The following SEMA3A variants were observed in gnomAD, a reference collection of about 807,000 sequenced individuals.
SEMA3A encodes semaphorin-3A.
A neutral mutation model predicts 97.9 loss-of-function variants in SEMA3A; 29 were observed. The observed-to-expected ratio is 0.30, with a 90% CI of 0.22 to 0.40. The LOEUF is 0.40. Among genes scored for constraint, SEMA3A ranks in the 10% least tolerant of loss-of-function variants. The probability of loss-of-function intolerance (pLI) is 1.00; values close to 1 mark genes in which losing one functional copy is unlikely to be tolerated. For missense variants in SEMA3A, 763 were observed against 951.3 expected (o/e 0.80, Z 2.60); for synonymous variants, 321 against 323.7 (o/e 0.99, Z 0.09).
At chr7:84,407,837 C>A (rs1274000513) in intron 1 of SEMA3A, among the ~76,000 whole-genome samples, 1 of 152,068 alleles carries the variant, frequency 6.6e-6, no homozygotes, top group Non-Finnish European at 1.5e-5. Context: ...AACTGGTTAG[C>A]CATATGTAGA....
intron 5 of SEMA3A, among the ~76,000 whole-genome samples, chr7:84,055,459 C>G (rs907753510): frequency 2.0e-5 from 3 of 152,050 alleles, no homozygotes; most frequent in Admixed American, 6.5e-5. Context: ...TGGGAGTGAC[C>G]CGATTTTCCA....
intron 4 of SEMA3A, among the ~76,000 whole-genome samples, chr7:84,105,929 C>T (rs543431552): frequency 6.6e-6 from 1 of 152,246 alleles, no homozygotes; most frequent in Admixed American, 6.5e-5. Context: ...TGTGACCTCA[C>T]TGGCAGTTTT....
intron 3 of SEMA3A, among the ~76,000 whole-genome samples, chr7:84,127,544 T>C (rs1012438262): frequency 6.6e-6 from 1 of 152,180 alleles, no homozygotes; most frequent in African/African-American, 2.4e-5. Context: ...ATACGTGTCA[T>C]GAATATTTTA....
At chr7:84,202,816 G>T (rs1423290398) in intron 3 of SEMA3A, among the ~76,000 whole-genome samples, 3 of 152,068 alleles carry the variant, frequency 2.0e-5, no homozygotes, top group Non-Finnish European at 4.4e-5. Flanking sequence ...TCCTAGTCAT[G>T]AATGTCCTAA....
At chr7:84,428,092 AT>A (rs1804875468) in intron 1 of SEMA3A, among the ~76,000 whole-genome samples, 1 of 152,162 alleles carries the variant, frequency 6.6e-6, no homozygotes, top group Admixed American at 6.6e-5. Flanking sequence ...TAATGACAAT[AT>A]TTTAGTCTCC....
At chr7:84,491,214 C>T (rs1470732976) in intron 1 of SEMA3A, among the ~76,000 whole-genome samples, 6 of 152,028 alleles carry the variant, frequency 3.9e-5, no homozygotes, top group South Asian at 4.2e-4. Flanking sequence ...AAACATTGGC[C>T]GATGGGGAAT....
intron 3 of SEMA3A, among the ~76,000 whole-genome samples, chr7:84,241,263 A>G (rs1425833651): frequency 6.6e-6 from 1 of 152,170 alleles, no homozygotes; most frequent in Non-Finnish European, 1.5e-5. Flanking sequence ...CTTCTCCAGC[A>G]TCTGTTGTTT....
intron 3 of SEMA3A, among the ~76,000 whole-genome samples, chr7:84,263,654 C>T (rs1799916697): frequency 6.6e-6 from 1 of 152,210 alleles, no homozygotes; most frequent in Non-Finnish European, 1.5e-5. Flanking sequence ...TTCTCACTGA[C>T]ACCTCTGCCT....
intron 2 of SEMA3A, among the ~76,000 whole-genome samples, chr7:84,340,780 C>CT (rs1802145956): frequency 6.2e-5 from 1 of 16,134 alleles, no homozygotes; most frequent in Non-Finnish European, 1.6e-4. Context: ...AACTCCATCT[C>CT]GGAAAAAAAA....
chr7:84,314,851 C>T (rs1433516820), intron 2 of SEMA3A, among the ~76,000 whole-genome samples: 1 of 152,034 alleles, frequency 6.6e-6, no homozygotes. Flanking sequence ...ATTAGAAAGT[C>T]ATTTTTTCAA....
intron 5 of SEMA3A, among the ~76,000 whole-genome samples, chr7:84,053,541 C>CA: frequency 9.9e-6 from 1 of 101,400 alleles, no homozygotes; most frequent in African/African-American, 3.5e-5. Flanking sequence ...CAACCCCTGC[C>CA]TTTTTTTGTT....
At chr7:84,110,664 C>T in intron 3 of SEMA3A, 75 bp from the exon 4 acceptor site, 2 of 1,478,372 alleles carry the variant, frequency 1.4e-6, no homozygotes, top group Admixed American at 4.4e-5. Context: ...GCTAGGCATG[C>T]TGGAACAGAT....
intron 1 of SEMA3A, among the ~76,000 whole-genome samples, chr7:84,166,582 A>C (rs1797213607): frequency 6.6e-6 from 1 of 150,624 alleles, no homozygotes; most frequent in Non-Finnish European, 1.5e-5. Flanking sequence ...AAAAAAAAAA[A>C]AAATTGCCGG....
At chr7:84,242,209 T>A (rs1038173532) in intron 3 of SEMA3A, among the ~76,000 whole-genome samples, 2 of 152,204 alleles carry the variant, frequency 1.3e-5, no homozygotes, top group African/African-American at 4.8e-5. Flanking sequence ...AATCTATAAA[T>A]TCGTTTGGGC....
chr7:84,148,183 G>C (rs1796521004), intron 1 of SEMA3A, among the ~76,000 whole-genome samples: 1 of 152,046 alleles, frequency 6.6e-6, no homozygotes, highest in African/African-American at 2.4e-5. Flanking sequence ...CCAAAGTGCT[G>C]GGATTACAGG....
intron 3 of SEMA3A, among the ~76,000 whole-genome samples, chr7:84,284,205 G>T (rs1311964533): frequency 1.3e-5 from 2 of 152,094 alleles, no homozygotes; most frequent in Non-Finnish European, 2.9e-5. Flanking sequence ...TAAAGTAAAT[G>T]CTATGTGTAT....
intron 5 of SEMA3A, among the ~76,000 whole-genome samples, chr7:84,055,300 C>T (rs10954744): frequency 0.55 from 84,233 of 151,792 alleles, 25,285 homozygotes; most frequent in Non-Finnish European, 0.67. Flanking sequence ...CCCCTCCCCC[C>T]GCCTCGCTGC....
At chr7:84,392,509 G>GA (rs1416025194) in intron 1 of SEMA3A, among the ~76,000 whole-genome samples, 1 of 152,118 alleles carries the variant, frequency 6.6e-6, no homozygotes, top group East Asian at 1.9e-4. Context: ...TGGCTATTGT[G>GA]AATAGTGCTG....
intron 3 of SEMA3A, among the ~76,000 whole-genome samples, chr7:84,243,485 T>C (rs1234661016): frequency 1.3e-5 from 2 of 152,216 alleles, no homozygotes; most frequent in African/African-American, 4.8e-5. Context: ...GTGGGATCAG[T>C]GGTGATCTCC....
Sources: gnomAD v4.1 joint callset for allele counts (sites outside exome capture counted in the v4.1 genomes callset) on GRCh38, gnomAD v4.1.1 for gene constraint, MANE v1.5 for transcripts, NCBI Gene and HGNC (gene_info 2026-07-23, HGNC 2026-07-21) for gene names.